MIS18BP1: variants seen among roughly 807,000 people sequenced by gnomAD.
The protein encoded by MIS18BP1 is mis18-binding protein 1.
In MIS18BP1, 72 loss-of-function variants were observed where a neutral mutation model predicts 116.1. That is an observed-to-expected ratio of 0.62 (90% CI 0.51 to 0.75). The LOEUF is 0.75. MIS18BP1 is among the 30% of genes least tolerant of loss of function. The pLI is 0.00. For synonymous variants in MIS18BP1, 386 were observed against 427.0 expected (o/e 0.90, Z 1.18); for missense variants, 1,363 against 1,303.2 (o/e 1.05, Z -0.71).
chr14:45,245,299 G>C (rs953034024), intron 2 of MIS18BP1, among the ~76,000 whole-genome samples: 1 of 151,880 alleles, frequency 6.6e-6, no homozygotes, highest in Non-Finnish European at 1.5e-5. Flanking sequence ...GGCTTTCACA[G>C]TATCACTCTC....
At chr14:45,233,781 G>C (rs1383091653) in intron 6 of MIS18BP1, among the ~76,000 whole-genome samples, 2 of 152,184 alleles carry the variant, frequency 1.3e-5, no homozygotes, top group Non-Finnish European at 2.9e-5. Flanking sequence ...GCAAATTTAA[G>C]GGAGAAGATC....
Position 45,224,244 on chromosome 14 carries a change from T to A in MIS18BP1, c.2343A>T (p.Glu781Asp). The A allele has an allele frequency of 6.2e-7, 1 of 1,613,894 alleles. No homozygotes were observed. Among genetic ancestry groups the A allele is most frequent in the Admixed American group, 1.7e-5 (1 of 60,022 alleles). ...LSSEESETEK[E>D]IKRKAEVKKT... ...TCTTAACTTCAGCTTTCCTTTTAAT[T>A]TCCTTTTCTGTTTCACTTTCTTCAC... The change falls in exon 11 of 17, where the codon GAA (glutamate) becomes GAT (aspartate). Residue 781 changes from glutamate (E) to aspartate (D), a missense_variant. Transcript: ENST00000310806.
At chr14:45,230,070 T>A (rs1272123892) in intron 8 of MIS18BP1, among the ~76,000 whole-genome samples, 1 of 152,162 alleles carries the variant, frequency 6.6e-6, no homozygotes, top group African/African-American at 2.4e-5. Flanking sequence ...TACAGGTACA[T>A]TTATATCCAG....
intron 16 of MIS18BP1, 43 bp from the exon 17 acceptor site, chr14:45,204,255 G>C: frequency 6.4e-7 from 1 of 1,556,110 alleles, no homozygotes; most frequent in Non-Finnish European, 8.7e-7. Context: ...ATTTCTAAAA[G>C]TACTTTCAAT....
chr14:45,208,612 G>A (rs537227472), intron 14 of MIS18BP1, among the ~76,000 whole-genome samples: 1 of 152,212 alleles, frequency 6.6e-6, no homozygotes, highest in African/African-American at 2.4e-5. Flanking sequence ...GATTACAGGT[G>A]TGAGCTACCG....
Position 45,246,991 on chromosome 14 carries a change from T to C in MIS18BP1, c.296A>G (p.Lys99Arg). The change falls in exon 2 of 17, where the codon AAG becomes AGG. Residue 99 changes from lysine to arginine, a missense_variant. Transcript: ENST00000310806. ...GTTTGCTTTATTTTTTAATCCATCC[T>C]TGTTGGGCTTTATAGCACTGATATC... The part of the protein sequence containing the change: ...SLDISAIKPN[K>R]DGLKNKANYE... 6.2e-7 allele frequency: 1 copy of C among 1,612,698 alleles called. No individual in the cohort carries two copies. The highest frequency in any genetic ancestry group is 1.3e-5 in the African/African-American group (1 of 74,954).
At position 45,246,976 on chromosome 14, in the gene MIS18BP1, T is replaced by A. The variant is rs138187458; in HGVS notation, c.311A>T (p.Asn104Ile). 1.9e-6 allele frequency: 3 copies of A among 1,609,864 alleles called. No individual in the cohort carries two copies. Among genetic ancestry groups the A allele is most frequent in the Middle Eastern group, 1.7e-4 (1 of 6,032 alleles). The change falls in exon 2 of 17, where the codon AAT (asparagine) becomes ATT (isoleucine). Residue 104 changes from asparagine to isoleucine, a missense_variant. Asn to Ile is a moderately radical substitution (Grantham distance 149). Transcript: ENST00000310806. ...TCCTGGTGATTCATAGTTTGCTTTATTTTTTAATCCATCCTTGTTGGGCTT... is the reference window on the plus strand; with the variant it reads ...TCCTGGTGATTCATAGTTTGCTTTAATTTTTAATCCATCCTTGTTGGGCTT... ...AIKPNKDGLK[N>I]KANYESPGKI...
At chr14:45,237,779 C>T in intron 4 of MIS18BP1, 58 bp from the exon 5 acceptor site, 1 of 1,525,362 alleles carries the variant, frequency 6.6e-7, no homozygotes, top group Non-Finnish European at 8.7e-7. Flanking sequence ...ACAAGCATTA[C>T]AAAATTAACT....
At position 45,233,669 on chromosome 14, in the gene MIS18BP1, C is replaced by G. The variant is rs565414287; in HGVS notation, c.1349-849G>C. ...GATATATTAATAGGATGTACTGACA[C>G]ACACACACTGATGTGGGTATGAGAG... On this transcript the variant is annotated intron_variant, in intron 6 of 16. Coordinates refer to ENST00000310806, the MANE Select transcript of MIS18BP1 (RefSeq NM_018353.5). Among the ~76,000 whole-genome samples the G allele has an allele frequency of 7.9e-5, 12 of 152,298 alleles. No homozygotes were observed. The South Asian group carries it at 2.3e-3, about 29-fold the overall frequency.
At chr14:45,212,832 CG>C (rs1174303948) in intron 13 of MIS18BP1, among the ~76,000 whole-genome samples, 16 of 152,174 alleles carry the variant, frequency 1.1e-4, no homozygotes, top group African/African-American at 3.9e-4. Context: ...GGTTAGAATC[CG>C]GGGAGAAGGA....
intron 11 of MIS18BP1, among the ~76,000 whole-genome samples, chr14:45,222,348 T>G (rs186898610): frequency 6.6e-6 from 1 of 152,218 alleles, no homozygotes; most frequent in Non-Finnish European, 1.5e-5. Flanking sequence ...TTCCAGTATT[T>G]TAATTTATGT....
chr14:45,207,195 A>G (rs1031260631), intron 14 of MIS18BP1, among the ~76,000 whole-genome samples: 2 of 152,158 alleles, frequency 1.3e-5, no homozygotes, highest in Non-Finnish European at 2.9e-5. Context: ...CTGAACATCC[A>G]TTTCCATACT....
In MIS18BP1 at chr14:45,253,199, A is replaced by T. The variant is rs993980472; in HGVS notation, c.-256T>A. 2.0e-5 allele frequency: 3 copies of T among 152,310 alleles called. No individual in the cohort carries two copies. Among genetic ancestry groups the T allele is most frequent in the Non-Finnish European group, 4.4e-5 (3 of 68,110 alleles). The allele number at this position is 152,310 out of a possible 1,614,324, so 9.4% of individuals were successfully genotyped here. On this transcript the variant is annotated 5_prime_UTR_variant, in exon 1 of 17. Transcript: ENST00000310806. The stretch of plus-strand genomic sequence containing the variant: ...TACCTCCTCCGCGACGTTCTCTAAC[A>T]CACAAAACACTTCCGCAATTCAAAT...
intron 1 of MIS18BP1, among the ~76,000 whole-genome samples, chr14:45,251,809 G>A (rs1201105066): frequency 6.6e-6 from 1 of 152,182 alleles, no homozygotes; most frequent in Non-Finnish European, 1.5e-5. Flanking sequence ...AATAAATGGA[G>A]ATGCAAACTA....
chr14:45,242,877 A>G lies in MIS18BP1; in HGVS notation c.545-3T>C. 3.2e-6 allele frequency: 5 copies of G among 1,564,616 alleles called. No homozygotes were observed. The highest frequency in any genetic ancestry group is 4.3e-6 in the Non-Finnish European group (5 of 1,154,498). ...TAGAGGAACTCCTTGGACTGAGGCT[A>G]AGGTTTTATTTTTTAAAGAAAGAAG... On this transcript the variant is annotated splice_region_variant and splice_polypyrimidine_tract_variant and intron_variant, in intron 2 of 16. Coordinates refer to ENST00000310806, the MANE Select transcript of MIS18BP1 (RefSeq NM_018353.5).
chr14:45,212,091 T>C (rs190866690), intron 13 of MIS18BP1, among the ~76,000 whole-genome samples: 138 of 152,252 alleles, frequency 9.1e-4, no homozygotes, highest in African/African-American at 3.2e-3. Flanking sequence ...TTTGCTCACA[T>C]TGGACTGTCC....
intron 13 of MIS18BP1, among the ~76,000 whole-genome samples, chr14:45,213,488 G>A (rs1566803784): frequency 1.3e-5 from 2 of 152,160 alleles, no homozygotes; most frequent in Admixed American, 6.5e-5. Flanking sequence ...TATTTCTGAA[G>A]GTTATGTAGA....
chr14:45,242,579 A>G (rs544204911), intron 3 of MIS18BP1, 61 bp from the exon 4 acceptor site: 17 of 1,518,848 alleles, frequency 1.1e-5, no homozygotes, highest in Non-Finnish European at 1.3e-5. Flanking sequence ...AGGAAATTAA[A>G]AGAGATAAAT....
chr14:45,222,913 G>A (rs535220507), intron 11 of MIS18BP1, among the ~76,000 whole-genome samples: 7 of 152,142 alleles, frequency 4.6e-5, no homozygotes, highest in Admixed American at 6.5e-5. Context: ...GAGAACAGAA[G>A]CAACAGGTAC....
Sources: allele counts gnomAD v4.1 joint callset (sites outside exome capture counted in the v4.1 genomes callset), GRCh38; gene constraint gnomAD v4.1.1; transcripts MANE v1.5; gene names NCBI Gene and HGNC (gene_info 2026-07-23, HGNC 2026-07-21).